The following EIF3D variants were observed in gnomAD, a reference collection of about 807,000 sequenced individuals.
The protein encoded by EIF3D is eIF3 p66.
Under a neutral mutation model 75.4 loss-of-function variants are expected in EIF3D, and 10 were observed. The observed-to-expected ratio is 0.13, with a 90% CI of 0.08 to 0.22. EIF3D has a LOEUF of 0.22. Ranked by LOEUF, EIF3D falls within the 10% of genes least tolerant of loss-of-function variation. EIF3D has a pLI of 1.00. For missense variants in EIF3D, 394 were observed against 708.0 expected, an observed-to-expected ratio of 0.56 and a Z score of 5.03; for synonymous variants, 246 against 248.3, an observed-to-expected ratio of 0.99 and a Z score of 0.09.
In EIF3D at chr22:36,516,622, A is replaced by C. The variant is rs532212071; in HGVS notation, c.1077-15T>G. On this transcript the variant is annotated splice_polypyrimidine_tract_variant and intron_variant, in intron 11 of 14. Coordinates refer to ENST00000216190, the MANE Select transcript of EIF3D (RefSeq NM_003753.4). ...ACCTGCGGTAACTGCAGCAAAAAAGAAACTCATGTGGTCACTGGGGATTCT... is the reference window on the plus strand; with the variant it reads ...ACCTGCGGTAACTGCAGCAAAAAAGCAACTCATGTGGTCACTGGGGATTCT... 2 of 1,613,886 alleles carry C rather than the reference A, an allele frequency of 1.2e-6. No individual in the cohort carries two copies. Among genetic ancestry groups the C allele is most frequent in the South Asian group, 2.2e-5 (2 of 91,088 alleles).
chr22:36,518,679 A>G (rs936498451), intron 9 of EIF3D, 84 bp downstream of exon 9: 1 of 1,535,552 alleles, frequency 6.5e-7, no homozygotes, highest in African/African-American at 1.4e-5. Context: ...ACCACTTTCT[A>G]TCCATTCTCT....
At chr22:36,516,918 G>A in intron 10 of EIF3D, 128 bp from the exon 11 acceptor site, 3 of 818,028 alleles carry the variant, frequency 3.7e-6, no homozygotes, top group Admixed American at 2.1e-5. Flanking sequence ...ATGGGGCTCT[G>A]AGCTCGCTGC....
intron 12 of EIF3D, 150 bp from the exon 13 acceptor site, chr22:36,512,752 T>A: frequency 2.3e-6 from 2 of 877,170 alleles, no homozygotes; most frequent in Non-Finnish European, 3.4e-6. Context: ...GACAAAGACA[T>A]AGTCCCTTCC....
At position 36,510,951 on chromosome 22, in the gene EIF3D, C is replaced by A; in HGVS notation, c.*36G>T. On this transcript the variant is annotated 3_prime_UTR_variant, in exon 15 of 15. Coordinates refer to ENST00000216190, the MANE Select transcript of EIF3D (RefSeq NM_003753.4). ...TAAGCATCAAAGGCCCTCGTAGTCT[C>A]GGTGGAAGGACAAACTCCAGCTCCA... 6.3e-7 allele frequency: 1 copy of A among 1,593,640 alleles called. No homozygotes were observed. The highest frequency in any genetic ancestry group is 8.5e-7 in the Non-Finnish European group (1 of 1,172,646).
At chr22:36,527,771 C>CACTCCAGCCTGGGCAACAGAGCA (rs1371004883) in intron 1 of EIF3D, among the ~76,000 whole-genome samples, 1 of 152,218 alleles carries the variant, frequency 6.6e-6, no homozygotes, top group African/African-American at 2.4e-5. Context: ...CCTGCCATTA[C>CACTCCAGCCTGGGCAACAGAGCA]ACTCCAGCCT....
At chr22:36,526,936 C>T (rs1408547761) in intron 1 of EIF3D, 1 of 152,220 alleles carries the variant, frequency 6.6e-6, no homozygotes, top group Non-Finnish European at 1.5e-5. Flanking sequence ...TTGTTCTAAG[C>T]ACTTTGTATA....
rs755180049 is a variant in EIF3D, at chr22:36,511,804, A to G, written c.1350-18T>C. 1 of 1,608,832 alleles carries G rather than the reference A, an allele frequency of 6.2e-7. No homozygotes were observed. The highest frequency in any genetic ancestry group is 1.1e-5 in the South Asian group (1 of 90,882). The stretch of plus-strand genomic sequence containing the variant: ...ACACATAACTAACAGGGGAAGGGAT[A>G]TCAGTGGTCAGAGCAGGGCAGCACA... On this transcript the variant is annotated intron_variant, in intron 13 of 14. Coordinates refer to ENST00000216190, the MANE Select transcript of EIF3D (RefSeq NM_003753.4).
chr22:36,512,620 T>TA lies in EIF3D; in HGVS notation c.1207-19dup, dbSNP rs1393784190. The TA allele has an allele frequency of 1.9e-6, 3 of 1,602,768 alleles. No individual in the cohort carries two copies. The African/African-American group carries it at 4.0e-5, about 21-fold the overall frequency. On this transcript the variant is annotated intron_variant, in intron 12 of 14. Transcript: ENST00000216190. ...TTACAGTGCTGCAGGAGAGCCCCGT[T>TA]AGAGAAACAGAAGCAAGCTCCAAAT... is the stretch of plus-strand genomic sequence containing the variant.
At chr22:36,525,857 T>G in intron 2 of EIF3D, 142 bp downstream of exon 2, 2 of 1,458,858 alleles carry the variant, frequency 1.4e-6, no homozygotes, top group South Asian at 2.6e-5. Flanking sequence ...CTTCTATGAC[T>G]ACACCCAGAG....
chr22:36,518,153 C>T (rs1603498863), intron 9 of EIF3D, among the ~76,000 whole-genome samples: 1 of 151,904 alleles, frequency 6.6e-6, no homozygotes, highest in African/African-American at 2.4e-5. Context: ...AAACACTGAA[C>T]AAGGTATGCA....
At chr22:36,516,124 C>T (rs1934422744) in intron 12 of EIF3D, 1 of 186,942 alleles carries the variant, frequency 5.3e-6, no homozygotes, top group Admixed American at 5.9e-5. Flanking sequence ...AACTGCCAAC[C>T]CAGATAATAA....
intron 1 of EIF3D, among the ~76,000 whole-genome samples, chr22:36,527,699 C>T (rs1250070420): frequency 6.6e-6 from 1 of 152,126 alleles, no homozygotes. Context: ...ATTAGCTGGG[C>T]GTGGTGGCGG....
At chr22:36,524,815 A>G (rs1934570374) in intron 3 of EIF3D, 83 bp from the exon 4 acceptor site, 2 of 1,583,846 alleles carry the variant, frequency 1.3e-6, no homozygotes, top group South Asian at 2.3e-5. Flanking sequence ...TGCTATTTCA[A>G]GTGTGGTCTT....
At chr22:36,511,294 C>T in intron 14 of EIF3D, 1 of 1,044,742 alleles carries the variant, frequency 9.6e-7, no homozygotes, top group Non-Finnish European at 1.4e-6. Context: ...CCAGCCGCTT[C>T]TCTAAAACAC....
At chr22:36,512,390 A>AG in intron 13 of EIF3D, 70 bp downstream of exon 13, 1 of 1,580,164 alleles carries the variant, frequency 6.3e-7, no homozygotes, top group South Asian at 1.1e-5. Context: ...CGGGGAGGGG[A>AG]GGGTCAACCT....
At chr22:36,526,172 G>A in intron 1 of EIF3D, 41 bp from the exon 2 acceptor site, 1 of 1,543,260 alleles carries the variant, frequency 6.5e-7, no homozygotes, top group East Asian at 2.3e-5. Context: ...ATGAACGAAG[G>A]CCTCAGAGTA....
chr22:36,514,186 G>T (rs76326770), intron 12 of EIF3D, among the ~76,000 whole-genome samples: 1 of 152,172 alleles, frequency 6.6e-6, no homozygotes, highest in African/African-American at 2.4e-5. Flanking sequence ...AGGCAATGAC[G>T]GGACTGGGGA....
rs1934356067 is a variant in EIF3D, at chr22:36,512,509, G to A, written c.1300C>T (p.Arg434Trp). The change falls in exon 13 of 15, where the codon CGG becomes TGG. Residue 434 changes from arginine to tryptophan, a missense_variant. Physicochemically the swap from Arg to Trp is moderately radical, Grantham distance 101. Coordinates refer to ENST00000216190, the MANE Select transcript of EIF3D (RefSeq NM_003753.4). ...GCCAGCAAAGCACAGCAGGTCCACC[G>A]GGCCAACTTGTAGCTGTTGTTCTTC... ...ELKNNSYKLA[R>W]WTCCALLAGS... is the part of the protein sequence containing the mutation. 5.0e-6 allele frequency: 8 copies of A among 1,614,176 alleles called. No individual in the cohort carries two copies. Among genetic ancestry groups the A allele is most frequent in the Middle Eastern group, 1.6e-4 (1 of 6,062 alleles).
chr22:36,517,188 C>A, intron 10 of EIF3D, 113 bp downstream of exon 10: 2 of 1,428,110 alleles, frequency 1.4e-6, no homozygotes, highest in Admixed American at 2.3e-5. Context: ...AAGGTGGGGA[C>A]TGCGTCTGAC....
Sources: allele counts gnomAD v4.1 joint callset (sites outside exome capture counted in the v4.1 genomes callset), GRCh38; gene constraint gnomAD v4.1.1; transcripts MANE v1.5; gene names NCBI Gene and HGNC (gene_info 2026-07-23, HGNC 2026-07-21).